SNED1: variants seen among roughly 807,000 people sequenced by gnomAD.
SNED1 encodes the protein sushi, nidogen and EGF-like domain-containing protein 1.
A neutral mutation model predicts 166.7 loss-of-function variants in SNED1; 81 were observed. The ratio of observed to expected loss-of-function variants is 0.49; its 90% CI spans 0.41 to 0.58. The LOEUF (loss-of-function observed/expected upper bound fraction) is 0.58, where lower values mean the gene tolerates loss of function less well. Among genes scored for constraint, SNED1 ranks in the 20% least tolerant of loss-of-function variants. The pLI, the probability that SNED1 is intolerant of heterozygous loss-of-function variation, is 0.00. For missense variants in SNED1, 1,604 were observed against 2,000.2 expected, an observed-to-expected ratio of 0.80 and a Z score of 3.78; for synonymous variants, 762 against 822.0, an observed-to-expected ratio of 0.93 and a Z score of 1.25.
Position 241,051,806 on chromosome 2 carries a change from G to A in SNED1, c.1798G>A (p.Gly600Ser), listed in dbSNP as rs748571508. 28 of 1,562,002 alleles carry A rather than the reference G, an allele frequency of 1.8e-5. No homozygotes were observed. The highest frequency in any genetic ancestry group is 1.4e-4 in the East Asian group (6 of 42,154). ...RNGGTCKEAG[G>S]EYHCSCPYRF... ...CGGGGGCACGTGCAAGGAGGCGGGC[G>A]GCGAGTACCACTGCAGCTGCCCCTA... Residue 600 changes from glycine (G) to serine (S), a missense_variant, in exon 13 of 32, where the codon GGC (glycine) becomes AGC (serine). Physicochemically the swap from Gly to Ser is moderately conservative, Grantham distance 56. Coordinates refer to ENST00000310397, the MANE Select transcript of SNED1 (RefSeq NM_001080437.3). The surrounding 1 kb of genome is among the most constrained non-coding windows in gnomAD (Gnocchi z 4.7).
chr2:241,024,523 G>A (rs2060886951), intron 1 of SNED1, among the ~76,000 whole-genome samples: 1 of 151,162 alleles, frequency 6.6e-6, no homozygotes, highest in Non-Finnish European at 1.5e-5. Context: ...TGGGATTACA[G>A]GTGTAAGCCA....
chr2:241,020,824 T>G (rs1282954469), intron 1 of SNED1, among the ~76,000 whole-genome samples: 1 of 152,118 alleles, frequency 6.6e-6, no homozygotes, highest in Non-Finnish European at 1.5e-5. Flanking sequence ...GACTCCACAC[T>G]GTTTCTGCAG....
In SNED1 at chr2:241,013,674, TCTTTCTGCGC is replaced by T. The variant is rs1390720324; in HGVS notation, c.213+14627_213+14636del. Among the ~76,000 whole-genome samples, 1 of 152,130 alleles carries T rather than the reference TCTTTCTGCGC, an allele frequency of 6.6e-6. No homozygotes were observed. The highest frequency in any genetic ancestry group is 1.9e-4 in the East Asian group (1 of 5,184). ...CTATTTTAGATTCCACATATAAGTG[TCTTTCTGCGC>T]CTGGCTTATTTCACTGAGCATAATG... On this transcript the variant is annotated intron_variant, in intron 1 of 31. Transcript: ENST00000310397. This position sits in a 1 kb window ranked among gnomAD's most constrained non-coding sequence, Gnocchi z 4.6.
In SNED1 at chr2:241,065,438, C is replaced by T. The variant is rs552224584; in HGVS notation, c.2853C>T (p.Ser951=). The T allele has an allele frequency of 5.0e-6, 8 of 1,613,096 alleles. No individual in the cohort carries two copies. Among genetic ancestry groups the T allele is most frequent in the Non-Finnish European group, 4.2e-6 (5 of 1,179,856 alleles). ...TCACCTACGTCTCCTCCGACGGCTCCTACCGCCGCACAGACTTTGTGGACA... is the reference window on the plus strand; with the variant it reads ...TCACCTACGTCTCCTCCGACGGCTCTTACCGCCGCACAGACTTTGTGGACA... ...YAVTYVSSDG[S]YRRTDFVDRT... The change falls in exon 21 of 32, where the codon TCC becomes TCT. Residue 951 remains serine, a synonymous_variant. Coordinates refer to ENST00000310397, the MANE Select transcript of SNED1 (RefSeq NM_001080437.3).
chr2:241,049,828 C>T lies in SNED1; in HGVS notation c.1630C>T (p.Pro544Ser), dbSNP rs1459547792. 1 of 1,613,710 alleles carries T rather than the reference C, an allele frequency of 6.2e-7. No individual in the cohort carries two copies. The highest frequency in any genetic ancestry group is 8.5e-7 in the Non-Finnish European group (1 of 1,179,716). ...TCCCCCGCCCCCAGCCCTGCCATCA[C>T]CCTGCGACTCGGACCCCTGCTTCAA... The part of the protein sequence containing the change: ...DHNASHSLPS[P>S]CDSDPCFNGG... Residue 544 changes from proline to serine, a missense_variant, in exon 12 of 32, where the codon CCC (proline) becomes TCC (serine). Around this residue, in one of 2 missense-constraint regions of SNED1, gnomAD observed 1,237 missense variants for 1,620.8 expected, o/e 0.76. Coordinates refer to ENST00000310397, the MANE Select transcript of SNED1 (RefSeq NM_001080437.3).
At chr2:240,997,994 A>T (rs1337572542), upstream of SNED1, among the ~76,000 whole-genome samples, 1 of 152,204 alleles carries the variant, frequency 6.6e-6, no homozygotes, top group Non-Finnish European at 1.5e-5. Flanking sequence ...GGTGTCATGC[A>T]CGCACTTGCC....
intron 21 of SNED1, among the ~76,000 whole-genome samples, chr2:241,067,529 C>CCACAGCGGGCTCTGCAGCCGTCATGCT (rs369464435): frequency 2.0e-5 from 3 of 152,178 alleles, no homozygotes; most frequent in East Asian, 1.9e-4. Context: ...ACGGGCTGGC[C>CCACAGCGGGCTCTGCAGCCGTCATGCT]CACAGCGGGC....
chr2:241,048,324 C>T lies in SNED1; in HGVS notation c.1283C>T (p.Pro428Leu). The T allele has an allele frequency of 6.2e-7, 1 of 1,605,046 alleles. No homozygotes were observed. The highest frequency in any genetic ancestry group is 1.1e-5 in the South Asian group (1 of 89,266). Residue 428 changes from proline to leucine, a missense_variant, in exon 9 of 32, where the codon CCA (proline) becomes CTA (leucine). Transcript: ENST00000310397. The stretch of plus-strand genomic sequence containing the variant: ...GCCGTCTTTCTTGCAGGAGACCATC[C>T]AGTGCCAGACGCCTGCCTCTCGGCC... ...KGLRCETGDH[P>L]VPDACLSAPC...
chr2:241,090,306 C>T, intron 31 of SNED1: 3 of 1,549,578 alleles, frequency 1.9e-6, no homozygotes, highest in Non-Finnish European at 2.6e-6. Flanking sequence ...ATGTCACCTT[C>T]TTCCACTTCC....
At chr2:241,011,034 G>A (rs1193438178) in intron 1 of SNED1, among the ~76,000 whole-genome samples, 1 of 151,868 alleles carries the variant, frequency 6.6e-6, no homozygotes, top group Non-Finnish European at 1.5e-5. Context: ...CCCAGAACAA[G>A]CACACTGCCC....
chr2:241,027,456 TC>T (rs751557635), intron 1 of SNED1, among the ~76,000 whole-genome samples: 4 of 152,208 alleles, frequency 2.6e-5, no homozygotes, highest in African/African-American at 4.8e-5. Context: ...CCATTCATCC[TC>T]AGTGGACACT....
In SNED1 at chr2:241,064,171, C is replaced by CCCCGCCCTCTGCCCGCCTGCTG. The variant is rs755649780; in HGVS notation, c.2599+68_2599+89dup. 163 of 1,311,532 alleles carry CCCCGCCCTCTGCCCGCCTGCTG rather than the reference C, an allele frequency of 1.2e-4. No homozygotes were observed. The African/African-American group carries it at 1.7e-3, about 14-fold the overall frequency. The allele number at this position is 1,311,532 out of a possible 1,614,324, so 81.2% of individuals were successfully genotyped here. A position where few individuals can be genotyped will look rare whatever the true frequency, so the allele number is the denominator to read the frequency against. On this transcript the variant is annotated intron_variant, in intron 19 of 31. Coordinates refer to ENST00000310397, the MANE Select transcript of SNED1 (RefSeq NM_001080437.3). This position sits in a 1 kb window ranked among gnomAD's most constrained non-coding sequence, Gnocchi z 7.0. ...GCTCCCCGCCCTCTGCCCGCCTGCT[C>CCCCGCCCTCTGCCCGCCTGCTG]CCCGCCCTCTGCCCGCCTGCTGCCC...
intron 29 of SNED1, among the ~76,000 whole-genome samples, chr2:241,083,207 G>A (rs927033698): frequency 1.3e-5 from 2 of 152,194 alleles, no homozygotes; most frequent in Non-Finnish European, 2.9e-5. Flanking sequence ...TGGGGAGGGC[G>A]ATGCTGAACA....
rs2060005171 is a variant in SNED1, at chr2:240,999,292, G to A, written c.213+242G>A. Among the ~76,000 whole-genome samples, 1 of 150,626 alleles carries A rather than the reference G, an allele frequency of 6.6e-6. No individual in the cohort carries two copies. The highest frequency in any genetic ancestry group is 6.6e-5 in the Admixed American group (1 of 15,164). ...ACCGAGGCGGGGGCGAGTGGAGCGC[G>A]GCGCCCCGGCCCCTGCCAGACCTGC... On this transcript the variant is annotated intron_variant, in intron 1 of 31. Coordinates refer to ENST00000310397, the MANE Select transcript of SNED1 (RefSeq NM_001080437.3). This position sits in a 1 kb window ranked among gnomAD's most constrained non-coding sequence, Gnocchi z 5.8.
At position 241,040,281 on chromosome 2, in the gene SNED1, C is replaced by A; in HGVS notation, c.1160-19C>A. 16 of 1,585,958 alleles carry A rather than the reference C, an allele frequency of 1.0e-5. No individual in the cohort carries two copies. The highest frequency in any genetic ancestry group is 1.4e-5 in the Non-Finnish European group (16 of 1,165,038). On this transcript the variant is annotated intron_variant, in intron 7 of 31. Coordinates refer to ENST00000310397, the MANE Select transcript of SNED1 (RefSeq NM_001080437.3). ...TGTGGCCTGGCTCAAGCCAAGCCCG[C>A]ACCTCTGCTGCCCCTCAGATGTGGA...
At chr2:241,083,370 TG>T (rs58126776) in intron 29 of SNED1, among the ~76,000 whole-genome samples, 13,312 of 145,418 alleles carry the variant, frequency 0.092, 630 homozygotes, top group East Asian at 0.21. Flanking sequence ...AGAAGGACTC[TG>T]GTGTTTGTCC....
chr2:241,011,159 G>A (rs924949856), intron 1 of SNED1, among the ~76,000 whole-genome samples: 25 of 149,142 alleles, frequency 1.7e-4, no homozygotes, highest in Non-Finnish European at 2.4e-4. Flanking sequence ...GGTCTCCTGG[G>A]GGTGGCAGGT....
intron 1 of SNED1, among the ~76,000 whole-genome samples, chr2:241,002,561 T>C (rs1285088290): frequency 6.6e-6 from 1 of 152,036 alleles, no homozygotes; most frequent in Non-Finnish European, 1.5e-5. Context: ...GGAAGTGGAA[T>C]GGGGCTGGAG....
At chr2:241,072,236 G>T in intron 26 of SNED1, 1 of 487,654 alleles carries the variant, frequency 2.1e-6, no homozygotes. Flanking sequence ...CCATGGGCAG[G>T]AGGCCATGAG....
Sources: gnomAD v4.1 joint callset for allele counts (sites outside exome capture counted in the v4.1 genomes callset) on GRCh38, gnomAD v4.1.1 for gene constraint, gnomAD v4.1.1 regional missense constraint, Gnocchi (gnomAD v3.1) non-coding constraint, MANE v1.5 for transcripts, NCBI Gene and HGNC (gene_info 2026-07-23, HGNC 2026-07-21) for gene names.